The following SLC17A1 variants were observed in gnomAD, a reference collection of about 807,000 sequenced individuals.
SLC17A1 encodes solute carrier family 17 member 1.
SLC17A1 carries 51 observed loss-of-function variants against 53.5 expected under a neutral mutation model. The observed-to-expected ratio is 0.95, with a 90% CI of 0.76 to 1.20. The LOEUF (loss-of-function observed/expected upper bound fraction) is 1.20, where lower values mean the gene tolerates loss of function less well. Among genes scored for constraint, SLC17A1 ranks in the 50% most tolerant of loss-of-function variants. The pLI is 0.00. For synonymous variants in SLC17A1, 179 were observed against 198.8 expected, an observed-to-expected ratio of 0.90 and a Z score of 0.84; for missense variants, 538 against 568.2, an observed-to-expected ratio of 0.95 and a Z score of 0.54.
chr6:25,770,400 G>A, the SLC17A1 span: 3 of 1,614,048 alleles, frequency 1.9e-6, no homozygotes, highest in Admixed American at 5.0e-5. Context: ...GTATTAACTG[G>A]TCAGTATTCA....
At chr6:25,784,345 C>CT (rs1279358750) in intron 12 of SLC17A1, among the ~76,000 whole-genome samples, 1 of 152,110 alleles carries the variant, frequency 6.6e-6, no homozygotes, top group Non-Finnish European at 1.5e-5. Flanking sequence ...TTTATTTTGG[C>CT]TTATGGTTCT....
intron 6 of SLC17A1, among the ~76,000 whole-genome samples, chr6:25,817,372 C>A (rs577301842): frequency 1.3e-5 from 2 of 152,170 alleles, no homozygotes; most frequent in African/African-American, 4.8e-5. Context: ...GTTTGACATA[C>A]GTGGACATCA....
intron 11 of SLC17A1, among the ~76,000 whole-genome samples, chr6:25,799,758 C>A (rs1344301140): frequency 6.6e-6 from 1 of 152,138 alleles, no homozygotes; most frequent in Non-Finnish European, 1.5e-5. Flanking sequence ...GAAACTAGCT[C>A]CACTAACAAC....
the SLC17A1 span, among the ~76,000 whole-genome samples, chr6:25,725,018 A>AGTT: frequency 0.014 from 1,948 of 142,058 alleles, 38 homozygotes; most frequent in African/African-American, 0.044. Context: ...TAACCAAATG[A>AGTT]TTTTTTTTTT....
the SLC17A1 span, among the ~76,000 whole-genome samples, chr6:25,772,833 T>C: frequency 6.6e-6 from 1 of 152,186 alleles, no homozygotes; most frequent in African/African-American, 2.4e-5. Context: ...GTAAGGGTGC[T>C]ATAGCTTTAA....
chr6:25,726,376 T>A, the SLC17A1 span: 17 of 1,614,024 alleles, frequency 1.1e-5, no homozygotes, highest in African/African-American at 1.3e-5. Flanking sequence ...TGCCGCCAAA[T>A]ACACTGGTGC....
At chr6:25,746,192 A>G in the SLC17A1 span, among the ~76,000 whole-genome samples, 2 of 152,238 alleles carry the variant, frequency 1.3e-5, no homozygotes, top group Non-Finnish European at 2.9e-5. Flanking sequence ...CATAAATAGC[A>G]TATAAATATG....
chr6:25,815,951 A>C (rs1764339395), intron 6 of SLC17A1, among the ~76,000 whole-genome samples: 1 of 150,972 alleles, frequency 6.6e-6, no homozygotes, highest in African/African-American at 2.4e-5. Flanking sequence ...TCCAAAGGTG[A>C]AACGGCACAG....
intron 6 of SLC17A1, among the ~76,000 whole-genome samples, chr6:25,814,846 C>G (rs4360119): frequency 0.26 from 39,552 of 151,616 alleles, 6,360 homozygotes; most frequent in East Asian, 0.68. Context: ...ATTAGCCGGG[C>G]GTAGCTATGT....
intron 12 of SLC17A1, among the ~76,000 whole-genome samples, chr6:25,783,998 C>T (rs1026430903): frequency 4.0e-4 from 30 of 75,928 alleles, no homozygotes; most frequent in Admixed American, 3.7e-3. Flanking sequence ...AGGTTCTAAA[C>T]TGGGTGTCAA....
At chr6:25,726,611 A>G in the SLC17A1 span, 2 of 1,486,730 alleles carry the variant, frequency 1.3e-6, no homozygotes, top group Non-Finnish European at 1.8e-6. Flanking sequence ...TGAGGTTGGC[A>G]TTTGCTATCT....
the SLC17A1 span, among the ~76,000 whole-genome samples, chr6:25,727,731 G>A: frequency 1.3e-5 from 2 of 152,046 alleles, no homozygotes; most frequent in Non-Finnish European, 2.9e-5. Context: ...GTTGCAGCAA[G>A]ACAATCCTTG....
chr6:25,747,826 G>A, the SLC17A1 span, among the ~76,000 whole-genome samples: 1 of 152,178 alleles, frequency 6.6e-6, no homozygotes, highest in Non-Finnish European at 1.5e-5. Context: ...TCAGCCTTCA[G>A]AATTGTGAGA....
intron 6 of SLC17A1, among the ~76,000 whole-genome samples, chr6:25,816,848 A>ATT (rs5875070): frequency 6.3e-5 from 9 of 142,210 alleles, no homozygotes; most frequent in East Asian, 2.1e-4. Flanking sequence ...TGGCCAGGCC[A>ATT]TTTTTTTTTT....
the SLC17A1 span, chr6:25,726,901 T>C: frequency 6.2e-7 from 1 of 1,608,320 alleles, no homozygotes; most frequent in South Asian, 1.1e-5. Flanking sequence ...CAGAAGTGTG[T>C]GGTAGCTATG....
intron 2 of SLC17A1, among the ~76,000 whole-genome samples, chr6:25,827,068 A>G (rs900064635): frequency 5.9e-5 from 9 of 152,194 alleles, no homozygotes; most frequent in African/African-American, 2.2e-4. Flanking sequence ...TTTTAAAAAA[A>G]TGTAATTACT....
intron 12 of SLC17A1, among the ~76,000 whole-genome samples, chr6:25,794,945 G>C (rs1763574294): frequency 6.6e-6 from 1 of 152,332 alleles, no homozygotes; most frequent in African/African-American, 2.4e-5. Flanking sequence ...CTTTGCAGCA[G>C]TGTGTCAGTT....
chr6:25,775,861 G>A, the SLC17A1 span, among the ~76,000 whole-genome samples: 1 of 152,088 alleles, frequency 6.6e-6, no homozygotes, highest in African/African-American at 2.4e-5. Context: ...TTATATACTA[G>A]GTTTTTGCCA....
the SLC17A1 span, among the ~76,000 whole-genome samples, chr6:25,733,981 G>GT: frequency 6.6e-6 from 1 of 151,778 alleles, no homozygotes; most frequent in Non-Finnish European, 1.5e-5. Flanking sequence ...TACCTGGCTA[G>GT]TTTTTTGTAT....
Sources: gnomAD v4.1 joint callset for allele counts (sites outside exome capture counted in the v4.1 genomes callset) on GRCh38, gnomAD v4.1.1 for gene constraint, MANE v1.5 for transcripts, NCBI Gene and HGNC (gene_info 2026-07-23, HGNC 2026-07-21) for gene names.